BLTP3B: variants seen among roughly 807,000 people sequenced by gnomAD.
BLTP3B encodes UHRF1 (ICBP90) binding protein 1-like.
the BLTP3B span, among the ~76,000 whole-genome samples, chr12:100,132,763 C>A: frequency 1.3e-5 from 2 of 151,400 alleles, no homozygotes; most frequent in Admixed American, 6.6e-5. Flanking sequence ...GCCTAGCCAA[C>A]ACGGTGAAAC....
the BLTP3B span, chr12:100,097,627 A>G: frequency 9.1e-7 from 1 of 1,097,602 alleles, no homozygotes; most frequent in East Asian, 2.6e-5. Context: ...TTTTAGATAT[A>G]TTCACCATGT....
chr12:100,097,116 C>T, the BLTP3B span, among the ~76,000 whole-genome samples: 2 of 152,000 alleles, frequency 1.3e-5, no homozygotes, highest in Admixed American at 1.3e-4. Context: ...AAAAGAACAA[C>T]AAAAAACCTT....
chr12:100,103,908 C>T, the BLTP3B span: 1 of 1,599,032 alleles, frequency 6.3e-7, no homozygotes, highest in Non-Finnish European at 8.5e-7. Context: ...GGTTTCAGAA[C>T]TCACCAAACA....
At chr12:100,043,591 G>A in the BLTP3B span, among the ~76,000 whole-genome samples, 1 of 152,012 alleles carries the variant, frequency 6.6e-6, no homozygotes, top group Non-Finnish European at 1.5e-5. Flanking sequence ...CCATTTTCTT[G>A]CCTATAAATG....
the BLTP3B span, chr12:100,059,889 G>A: frequency 2.4e-5 from 38 of 1,612,032 alleles, 1 homozygote; most frequent in African/African-American, 3.3e-4. Flanking sequence ...CAACATGCTC[G>A]TCAGATTTTG....
chr12:100,141,241 T>C, the BLTP3B span, among the ~76,000 whole-genome samples: 1 of 151,658 alleles, frequency 6.6e-6, no homozygotes, highest in African/African-American at 2.4e-5. Context: ...CCCAGCACTC[T>C]GGGAGGCCGA....
At chr12:100,124,903 CAG>C in the BLTP3B span, among the ~76,000 whole-genome samples, 1 of 129,070 alleles carries the variant, frequency 7.7e-6, no homozygotes, top group Admixed American at 8.9e-5. Context: ...ACCTGGGTGA[CAG>C]AGTGAGACCC....
chr12:100,052,553 GA>G, the BLTP3B span, among the ~76,000 whole-genome samples: 1 of 151,986 alleles, frequency 6.6e-6, no homozygotes, highest in South Asian at 2.1e-4. Flanking sequence ...GACTGAGATG[GA>G]AAAGTTTATC....
At chr12:100,057,366 T>C in the BLTP3B span, among the ~76,000 whole-genome samples, 1 of 152,110 alleles carries the variant, frequency 6.6e-6, no homozygotes, top group Non-Finnish European at 1.5e-5. Context: ...AATGAACAAT[T>C]AGAATATATC....
the BLTP3B span, among the ~76,000 whole-genome samples, chr12:100,134,732 T>C: frequency 6.6e-6 from 1 of 152,204 alleles, no homozygotes; most frequent in African/African-American, 2.4e-5. Flanking sequence ...ATTTAGTTAA[T>C]AGCAATTCCA....
the BLTP3B span, among the ~76,000 whole-genome samples, chr12:100,140,729 A>AAAAAAAAAAAATAT: frequency 1.6e-5 from 1 of 61,492 alleles, no homozygotes; most frequent in African/African-American, 1.0e-4. Flanking sequence ...AAAAAAAAAA[A>AAAAAAAAAAAATAT]ATATATATAT....
At chr12:100,132,103 T>TA in the BLTP3B span, among the ~76,000 whole-genome samples, 5 of 152,098 alleles carry the variant, frequency 3.3e-5, no homozygotes, top group Non-Finnish European at 7.4e-5. Flanking sequence ...CACCCACTGT[T>TA]AAAAAAATTA....
chr12:100,041,445 T>C, the BLTP3B span, among the ~76,000 whole-genome samples: 1 of 144,478 alleles, frequency 6.9e-6, no homozygotes, highest in East Asian at 2.0e-4. Flanking sequence ...TTTTTTTTTT[T>C]TTTTTTTTTT....
chr12:100,103,254 C>A, the BLTP3B span, among the ~76,000 whole-genome samples: 242 of 152,024 alleles, frequency 1.6e-3, no homozygotes, highest in Non-Finnish European at 2.3e-3. Context: ...AAGATCTGAG[C>A]TATGAGACAC....
the BLTP3B span, among the ~76,000 whole-genome samples, chr12:100,071,001 A>C: frequency 6.6e-6 from 1 of 152,188 alleles, no homozygotes; most frequent in Non-Finnish European, 1.5e-5. Flanking sequence ...TCAGAAAAAA[A>C]AACAACATAT....
the BLTP3B span, among the ~76,000 whole-genome samples, chr12:100,063,074 C>T: frequency 1.3e-5 from 2 of 151,958 alleles, no homozygotes; most frequent in African/African-American, 2.4e-5. Flanking sequence ...AGGCGGGAGG[C>T]AGGACTAGTT....
chr12:100,128,370 T>C, the BLTP3B span, among the ~76,000 whole-genome samples: 8 of 151,814 alleles, frequency 5.3e-5, no homozygotes, highest in Non-Finnish European at 7.4e-5. Context: ...AGACACTGAC[T>C]ACAGGGCGAG....
the BLTP3B span, chr12:100,098,568 C>T: frequency 1.9e-6 from 3 of 1,580,894 alleles, no homozygotes; most frequent in Non-Finnish European, 1.7e-6. Context: ...AAACAAAATA[C>T]ACTAATGACA....
At chr12:100,084,425 CAG>C in the BLTP3B span, 17 of 1,145,690 alleles carry the variant, frequency 1.5e-5, no homozygotes, top group East Asian at 1.9e-4. Flanking sequence ...CACACACACA[CAG>C]AGTGCAAACA....
Sources: gnomAD v4.1 joint callset for allele counts (sites outside exome capture counted in the v4.1 genomes callset) on GRCh38, gnomAD v4.1.1 for gene constraint, MANE v1.5 for transcripts, NCBI Gene and HGNC (gene_info 2026-07-23, HGNC 2026-07-21) for gene names.